Variants in ADGRV1 observed in about 807,000 individuals in gnomAD.
The protein encoded by ADGRV1 is G-protein coupled receptor 98.
Under a neutral mutation model 596.2 loss-of-function variants are expected in ADGRV1, and 359 were observed. That is an observed-to-expected ratio of 0.60 (90% CI 0.55 to 0.66). The LOEUF (loss-of-function observed/expected upper bound fraction) is 0.66, where lower values mean the gene tolerates loss of function less well. Ranked by LOEUF, ADGRV1 falls within the 30% of genes least tolerant of loss-of-function variation. The pLI, the probability that ADGRV1 is intolerant of heterozygous loss-of-function variation, is 0.00. For missense variants in ADGRV1, 7,274 were observed against 7,575.6 expected, an observed-to-expected ratio of 0.96 and a Z score of 1.48; for synonymous variants, 2,681 against 2,679.2, an observed-to-expected ratio of 1.00 and a Z score of -0.02.
At chr5:90,779,291 A>G (rs936358993) in intron 64 of ADGRV1, 194 bp downstream of exon 64, 2 of 403,248 alleles carry the variant, frequency 5.0e-6, no homozygotes, top group Non-Finnish European at 4.4e-6. Context: ...ATTTTGTTAA[A>G]TATAACTTCC....
intron 85 of ADGRV1, among the ~76,000 whole-genome samples, chr5:91,035,869 A>ATAATATG (rs1784862613): frequency 3.3e-5 from 4 of 120,536 alleles, no homozygotes; most frequent in African/African-American, 1.2e-4. Context: ...TATTATATAT[A>ATAATATG]TATATATATA....
chr5:91,030,849 C>T (rs1784424069), intron 85 of ADGRV1: 1 of 415,722 alleles, frequency 2.4e-6, no homozygotes, highest in Non-Finnish European at 4.3e-6. Flanking sequence ...ATAAAGATAC[C>T]CCCTAATTAC....
chr5:90,748,943 T>C (rs1171551827), intron 52 of ADGRV1, among the ~76,000 whole-genome samples: 1 of 151,858 alleles, frequency 6.6e-6, no homozygotes, highest in Non-Finnish European at 1.5e-5. Context: ...AACCTGTCAT[T>C]CTGTGGGAGA....
intron 80 of ADGRV1, 140 bp downstream of exon 80, chr5:90,853,673 T>C: frequency 2.7e-6 from 2 of 749,168 alleles, no homozygotes; most frequent in Non-Finnish European, 4.2e-6. Context: ...TCCATCTTTA[T>C]GAACTATTTG....
intron 76 of ADGRV1, among the ~76,000 whole-genome samples, chr5:90,827,077 A>G (rs886865706): frequency 6.6e-6 from 1 of 152,178 alleles, no homozygotes; most frequent in African/African-American, 2.4e-5. Context: ...AATATTTTCA[A>G]AAATATTTAA....
intron 76 of ADGRV1, among the ~76,000 whole-genome samples, chr5:90,824,522 G>A (rs191835784): frequency 5.9e-5 from 9 of 152,288 alleles, no homozygotes; most frequent in East Asian, 1.9e-4. Context: ...ACTCTTTTTC[G>A]TAGTTTAGCA....
chr5:90,835,679 G>A (rs1345046495), intron 77 of ADGRV1, among the ~76,000 whole-genome samples: 3 of 152,192 alleles, frequency 2.0e-5, no homozygotes, highest in African/African-American at 7.2e-5. Flanking sequence ...AAAACCATGG[G>A]TCCCAGGTGG....
At chr5:90,611,841 TAGAGG>T (rs759947693) in intron 1 of ADGRV1, among the ~76,000 whole-genome samples, 33 of 152,118 alleles carry the variant, frequency 2.2e-4, no homozygotes, top group Non-Finnish European at 4.6e-4. Context: ...TTTAGTGTGA[TAGAGG>T]AAAGTGTACC....
At position 90,614,862 on chromosome 5, in the gene ADGRV1, A is replaced by G; in HGVS notation, c.50A>G (p.Asn17Ser). The change falls in exon 2 of 90, where the codon AAT becomes AGT. Residue 17 changes from asparagine (N) to serine (S), a missense_variant. Physicochemically the swap from Asn to Ser is conservative, Grantham distance 46 (BLOSUM62 1). Transcript: ENST00000405460. ...PGMPSASLLVNLLSALLILFV... is the reference protein window; with the variant it reads ...PGMPSASLLVSLLSALLILFV... ...ATGCCCTCTGCATCTTTATTAGTAA[A>G]TCTTCTTTCAGCTTTACTCATCCTA... is the stretch of plus-strand genomic sequence containing the variant. 6.2e-7 allele frequency: 1 copy of G among 1,610,576 alleles called. No individual in the cohort carries two copies. Among genetic ancestry groups the G allele is most frequent in the Non-Finnish European group, 8.5e-7 (1 of 1,177,886 alleles).
chr5:90,775,823 C>T (rs1758164094), intron 60 of ADGRV1, among the ~76,000 whole-genome samples: 1 of 152,102 alleles, frequency 6.6e-6, no homozygotes, highest in Non-Finnish European at 1.5e-5. Flanking sequence ...TGACAAGCCA[C>T]TCTTGATTCC....
chr5:90,583,740 A>C (rs16868798), intron 1 of ADGRV1, among the ~76,000 whole-genome samples: 1 of 152,218 alleles, frequency 6.6e-6, no homozygotes, highest in South Asian at 2.1e-4. Context: ...TTCTTATTAC[A>C]TAGTTAATCA....
rs1235225431 is a variant in ADGRV1, at chr5:90,625,151, C to T, written c.580C>T (p.Pro194Ser). ...GCAGGTAGAGGGTGGCCCAAATCCC[C>T]CTGATGAAGATTTGAGTCCAGTTAA... Reference protein sequence around the residue: ...TFEVEGGPNPPDEDLSPVKGN... With the variant: ...TFEVEGGPNPSDEDLSPVKGN... Residue 194 changes from proline to serine, a missense_variant, in exon 6 of 90, where the codon CCT (proline) becomes TCT (serine). Physicochemically the swap from Pro to Ser is moderately conservative, Grantham distance 74. Transcript: ENST00000405460. The T allele has an allele frequency of 3.1e-6, 5 of 1,612,138 alleles. No homozygotes were observed. The highest frequency in any genetic ancestry group is 4.2e-6 in the Non-Finnish European group (5 of 1,178,808).
Position 90,703,717 on chromosome 5 carries a change from T to C in ADGRV1, c.8208T>C (p.Val2736=). Residue 2736 remains valine, a synonymous_variant, in exon 35 of 90, where the codon GTT becomes GTC. Transcript: ENST00000405460. ...VIRTFPGRGN[V]TVNWKIIGQN... Reference sequence around the variant, plus strand: ...GAACTTTCCCTGGTCGAGGAAATGTTACTGTTAACTGGAAAATTATTGGGC... The same window carrying C: ...GAACTTTCCCTGGTCGAGGAAATGTCACTGTTAACTGGAAAATTATTGGGC... The C allele has an allele frequency of 1.2e-6, 2 of 1,605,056 alleles. No individual in the cohort carries two copies. The highest frequency in any genetic ancestry group is 1.7e-6 in the Non-Finnish European group (2 of 1,174,770).
rs369931165 is a variant in ADGRV1 at position 90,763,104 on chromosome 5, G to A, written c.12121-201G>A. On this transcript the variant is annotated intron_variant, in intron 58 of 89. Coordinates refer to ENST00000405460, the MANE Select transcript of ADGRV1 (RefSeq NM_032119.4). Reference sequence around the variant, plus strand: ...CATGCTCTACCTAATTGCAAGAGAAGACAGGAAATGCCAACTAGTTGAGCA... The same window carrying A: ...CATGCTCTACCTAATTGCAAGAGAAAACAGGAAATGCCAACTAGTTGAGCA... 3.0e-4 allele frequency: 142 copies of A among 475,858 alleles called. 1 individual carries two copies. The highest frequency in any genetic ancestry group is 2.8e-3 in the East Asian group (92 of 32,548). The allele number at this position is 475,858 out of a possible 1,614,324, so 29.5% of individuals were successfully genotyped here.
chr5:90,960,859 C>T (rs549150426), intron 83 of ADGRV1, among the ~76,000 whole-genome samples: 6 of 152,170 alleles, frequency 3.9e-5, no homozygotes, highest in Non-Finnish European at 5.9e-5. Flanking sequence ...GAATGGTGTA[C>T]GAAGAGTCTT....
chr5:90,910,806 A>C (rs912471497), intron 83 of ADGRV1, among the ~76,000 whole-genome samples: 3 of 152,088 alleles, frequency 2.0e-5, no homozygotes, highest in African/African-American at 4.8e-5. Flanking sequence ...CTGAAAATCT[A>C]ATCTTTTATG....
Position 90,643,909 on chromosome 5 carries a change from A to T in ADGRV1, c.2660A>T (p.His887Leu). Residue 887 changes from histidine to leucine, a missense_variant, in exon 14 of 90, where the codon CAT becomes CTT. By Grantham distance (99) the His-to-Leu change is moderately conservative (BLOSUM62 -3). Around this residue, in one of 5 missense-constraint regions of ADGRV1, gnomAD observed 1,715 missense variants for 1,708.8 expected, o/e 1.00. Coordinates refer to ENST00000405460, the MANE Select transcript of ADGRV1 (RefSeq NM_032119.4). ...NITILKNDDP[H>L]GIIEFVSDGL... ...ACGATTCTGAAAAATGATGATCCTC[A>T]TGGCATTATAGAATTTGTTTCTGAT... is the stretch of plus-strand genomic sequence containing the variant. The T allele has an allele frequency of 6.2e-7, 1 of 1,612,464 alleles. No homozygotes were observed. The highest frequency in any genetic ancestry group is 8.5e-7 in the Non-Finnish European group (1 of 1,178,988).
At chr5:91,027,926 T>C (rs1022454236) in intron 85 of ADGRV1, among the ~76,000 whole-genome samples, 6 of 152,148 alleles carry the variant, frequency 3.9e-5, no homozygotes, top group Admixed American at 3.3e-4. Flanking sequence ...AGACTTTCTT[T>C]TGTTGCTAAG....
intron 1 of ADGRV1, among the ~76,000 whole-genome samples, chr5:90,560,522 A>G (rs926637523): frequency 2.0e-5 from 3 of 152,098 alleles, no homozygotes; most frequent in Non-Finnish European, 1.5e-5. Flanking sequence ...GTTCCAGTTT[A>G]TAAGAACTGG....
Sources: allele counts gnomAD v4.1 joint callset (sites outside exome capture counted in the v4.1 genomes callset), GRCh38; gene constraint gnomAD v4.1.1; regional missense constraint gnomAD v4.1.1; transcripts MANE v1.5; gene names NCBI Gene and HGNC (gene_info 2026-07-23, HGNC 2026-07-21).